The following AHI1 variants were observed in gnomAD, a reference collection of about 807,000 sequenced individuals.
AHI1 encodes jouberin.
In AHI1, 123 loss-of-function variants were observed where a neutral mutation model predicts 149.3. The observed-to-expected ratio is 0.82, with a 90% CI of 0.71 to 0.96. The LOEUF is 0.96. AHI1 is among the 40% of genes least tolerant of loss of function. The probability of loss-of-function intolerance (pLI) is 0.00; values close to 1 mark genes in which losing one functional copy is unlikely to be tolerated. For synonymous variants in AHI1, 475 were observed against 459.8 expected (o/e 1.03, Z -0.42); for missense variants, 1,439 against 1,422.7 (o/e 1.01, Z -0.18).
chr6:135,415,210 T>A (rs1315430519), intron 20 of AHI1, among the ~76,000 whole-genome samples: 1 of 152,060 alleles, frequency 6.6e-6, no homozygotes, highest in Non-Finnish European at 1.5e-5. Flanking sequence ...ATCCAGTCTA[T>A]CATTGTTGGA....
chr6:135,449,966 G>T (rs960235476), intron 11 of AHI1, among the ~76,000 whole-genome samples: 3 of 152,182 alleles, frequency 2.0e-5, no homozygotes, highest in African/African-American at 7.2e-5. Flanking sequence ...CAATTGAAGT[G>T]GCAGAGAGAG....
chr6:135,330,113 T>A (rs1253898463), intron 24 of AHI1, among the ~76,000 whole-genome samples: 2 of 152,172 alleles, frequency 1.3e-5, no homozygotes, highest in African/African-American at 4.8e-5. Flanking sequence ...AACAGAGGAT[T>A]TAGAATATCA....
chr6:135,489,954 A>G, intron 5 of AHI1: 1 of 361,298 alleles, frequency 2.8e-6, no homozygotes. Context: ...TTTTTCTGTG[A>G]GGACAGAAGA....
At chr6:135,368,687 G>C (rs1774570507) in intron 23 of AHI1, among the ~76,000 whole-genome samples, 1 of 152,152 alleles carries the variant, frequency 6.6e-6, no homozygotes, top group Admixed American at 6.5e-5. Context: ...AGGAAAGGCA[G>C]TAGTTACAGG....
chr6:135,310,806 T>C (rs1785096149), intron 26 of AHI1, among the ~76,000 whole-genome samples: 1 of 152,178 alleles, frequency 6.6e-6, no homozygotes, highest in African/African-American at 2.4e-5. Flanking sequence ...AGCATTTATA[T>C]AAAAACATAC....
intron 24 of AHI1, among the ~76,000 whole-genome samples, chr6:135,353,623 T>C (rs534366422): frequency 6.6e-6 from 1 of 152,056 alleles, no homozygotes; most frequent in Non-Finnish European, 1.5e-5. Flanking sequence ...TAAACAATGA[T>C]AACAATCTAA....
chr6:135,492,781 T>C (rs1398035046), intron 3 of AHI1: 1 of 985,334 alleles, frequency 1.0e-6, no homozygotes, highest in Non-Finnish European at 1.2e-6. Context: ...ATAGTACAAA[T>C]ATTTGCACCA....
rs1201589531 is a variant in AHI1 at position 135,380,733 on chromosome 6, C to A, written c.3109+14043G>T. Among the ~76,000 whole-genome samples, 41 of 78,692 alleles carry A rather than the reference C, an allele frequency of 5.2e-4. 3 individuals are homozygous for A. The highest frequency in any genetic ancestry group is 1.9e-3 in the East Asian group (6 of 3,090). The allele number at this position is 78,692 out of a possible 152,430, so 51.6% of individuals were successfully genotyped here. On this transcript the variant is annotated intron_variant, in intron 23 of 28. Coordinates refer to ENST00000265602, the MANE Select transcript of AHI1 (RefSeq NM_001134831.2). ...TAAACATCTTTTTAAGTAAAATAAC[C>A]CCCCCCCCCCCAAAAAAAAAGTACA...
intron 28 of AHI1, among the ~76,000 whole-genome samples, chr6:135,289,577 C>A (rs1429694057): frequency 2.0e-5 from 3 of 151,992 alleles, no homozygotes; most frequent in Non-Finnish European, 4.4e-5. Flanking sequence ...TTTAAAAATT[C>A]TATGACTTTT....
chr6:135,393,648 A>G (rs1485949996), intron 23 of AHI1, among the ~76,000 whole-genome samples: 1 of 152,146 alleles, frequency 6.6e-6, no homozygotes, highest in African/African-American at 2.4e-5. Flanking sequence ...AAGGTTTGAG[A>G]TAACTGTTAT....
chr6:135,440,642 A>T (rs911735332), intron 14 of AHI1, among the ~76,000 whole-genome samples: 1 of 149,400 alleles, frequency 6.7e-6, no homozygotes, highest in South Asian at 2.1e-4. Context: ...CAACACACAC[A>T]GAGTCTCTTG....
rs1272037551 is a variant in AHI1 at position 135,429,984 on chromosome 6, TCA to T, written c.2388_2389del (p.Glu797ValfsTer2). 1.9e-6 allele frequency: 3 copies of T among 1,558,294 alleles called. No homozygotes were observed. In the African/African-American group the frequency reaches 4.1e-5, roughly 21 times the overall value. ...ATAACTTATTGGAATTCCCTTAAAC[TCA>T]GTTTCTTTAATTTCCTAAAATGATT... On this transcript the variant is annotated frameshift_variant, in exon 18 of 29. Transcript: ENST00000265602. LOFTEE classifies it high-confidence loss of function.
chr6:135,301,447 G>A (rs1783871997), intron 26 of AHI1: 1 of 985,254 alleles, frequency 1.0e-6, no homozygotes, highest in Admixed American at 6.2e-5. Flanking sequence ...CTTTCCTGGT[G>A]TTATCTCTAC....
intron 24 of AHI1, among the ~76,000 whole-genome samples, chr6:135,335,226 A>G (rs1379599009): frequency 6.6e-6 from 1 of 152,114 alleles, no homozygotes; most frequent in Non-Finnish European, 1.5e-5. Context: ...TTTAACATCT[A>G]CTTTGTCATT....
chr6:135,341,090 A>G (rs1379824198), intron 24 of AHI1, among the ~76,000 whole-genome samples: 5 of 152,074 alleles, frequency 3.3e-5, no homozygotes, highest in Admixed American at 6.5e-5. Context: ...CCAAAACCAA[A>G]TTGTAGACAT....
chr6:135,432,524 T>C (rs1784810386), intron 16 of AHI1, among the ~76,000 whole-genome samples: 2 of 152,054 alleles, frequency 1.3e-5, no homozygotes, highest in African/African-American at 4.8e-5. Flanking sequence ...GGCTAATTTT[T>C]TGTATTTTTA....
intron 24 of AHI1, among the ~76,000 whole-genome samples, chr6:135,330,311 C>A (rs1321670984): frequency 6.6e-6 from 1 of 152,124 alleles, no homozygotes; most frequent in Non-Finnish European, 1.5e-5. Context: ...ACAGTCACCA[C>A]AACCTTCAGC....
chr6:135,402,450 C>T (rs1277189886), intron 22 of AHI1, among the ~76,000 whole-genome samples: 3 of 152,092 alleles, frequency 2.0e-5, no homozygotes, highest in Admixed American at 6.6e-5. Context: ...TATAACAATA[C>T]GTAACCTATT....
intron 27 of AHI1, among the ~76,000 whole-genome samples, chr6:135,296,009 T>C (rs1317311077): frequency 6.6e-6 from 1 of 152,048 alleles, no homozygotes. Context: ...CCTGCCACCA[T>C]GTCCGGCTAA....
Sources: gnomAD v4.1 joint callset for allele counts (sites outside exome capture counted in the v4.1 genomes callset) on GRCh38, gnomAD v4.1.1 for gene constraint, MANE v1.5 for transcripts, NCBI Gene and HGNC (gene_info 2026-07-23, HGNC 2026-07-21) for gene names.